Variants in TEAD1 observed in about 807,000 individuals in gnomAD.
TEAD1 encodes the protein transcriptional enhancer factor TEF-1.
A neutral mutation model predicts 54.9 loss-of-function variants in TEAD1; 9 were observed. The ratio of observed to expected loss-of-function variants is 0.16; its 90% confidence interval spans 0.10 to 0.29. The LOEUF (loss-of-function observed/expected upper bound fraction) is 0.29, where lower values mean the gene tolerates loss of function less well. TEAD1 is among the 10% of genes least tolerant of loss of function. The probability of loss-of-function intolerance (pLI) is 1.00; values close to 1 mark genes in which losing one functional copy is unlikely to be tolerated. For missense variants in TEAD1, 387 were observed against 535.9 expected (o/e 0.72, Z 2.74); for synonymous variants, 200 against 187.8 (o/e 1.07, Z -0.53).
chr11:12,791,691 A>G (rs1469572671), intron 3 of TEAD1, among the ~76,000 whole-genome samples: 1 of 152,122 alleles, frequency 6.6e-6, no homozygotes, highest in African/African-American at 2.4e-5. Flanking sequence ...TTTGGGGCCA[A>G]TTTAAGTCAG....
rs1396872359 is a variant in TEAD1 at position 12,721,242 on chromosome 11, C to T, written c.-54-42937C>T. ...CAGTGCAGGTGCAGGAAGAAAGCTT[C>T]CCTTCTTGCGTTCTTGTTCCCTCCC... On this transcript the variant is annotated intron_variant, in intron 2 of 12. Coordinates refer to ENST00000527636, the MANE Select transcript of TEAD1 (RefSeq NM_021961.6). Among the ~76,000 whole-genome samples, 9 of 152,306 alleles carry T rather than the reference C, an allele frequency of 5.9e-5. No individual in the cohort carries two copies. In the South Asian group the frequency reaches 1.7e-3, roughly 28 times the overall value.
intron 3 of TEAD1, among the ~76,000 whole-genome samples, chr11:12,845,557 G>T (rs573283296): frequency 2.0e-5 from 3 of 152,314 alleles, no homozygotes; most frequent in African/African-American, 7.2e-5. Context: ...TTGTGTCTCA[G>T]TCTGTGTACA....
chr11:12,786,262 A>G (rs1036743087), intron 3 of TEAD1, among the ~76,000 whole-genome samples: 1 of 152,202 alleles, frequency 6.6e-6, no homozygotes, highest in Non-Finnish European at 1.5e-5. Flanking sequence ...GCTTTCTCGG[A>G]CTGCACTGGC....
intron 10 of TEAD1, chr11:12,923,052 G>A (rs1948840410): frequency 6.6e-6 from 1 of 151,506 alleles, no homozygotes; most frequent in Non-Finnish European, 1.5e-5. Context: ...CTCTCGCTTG[G>A]ACTGCTATAA....
At chr11:12,881,100 C>G in intron 7 of TEAD1, 49 bp downstream of exon 7, 1 of 1,600,340 alleles carries the variant, frequency 6.2e-7, no homozygotes, top group Non-Finnish European at 8.6e-7. Flanking sequence ...TGGTCCCAGC[C>G]CACGTGGGGA....
At chr11:12,899,908 C>A (rs1345228581) in intron 9 of TEAD1, among the ~76,000 whole-genome samples, 1 of 152,222 alleles carries the variant, frequency 6.6e-6, no homozygotes, top group Non-Finnish European at 1.5e-5. Context: ...ATGGAGTGTC[C>A]AGCCTCCTGT....
intron 10 of TEAD1, among the ~76,000 whole-genome samples, chr11:12,924,169 C>G (rs1293354127): frequency 6.6e-6 from 1 of 152,172 alleles, no homozygotes; most frequent in Admixed American, 6.5e-5. Context: ...CAGGCCTTGG[C>G]CTGCACTGTA....
intron 11 of TEAD1, among the ~76,000 whole-genome samples, chr11:12,925,976 T>C (rs1948897426): frequency 6.6e-6 from 1 of 152,212 alleles, no homozygotes; most frequent in Non-Finnish European, 1.5e-5. Flanking sequence ...CATACCTTCC[T>C]CCCTTTAAAA....
At chr11:12,858,069 C>T (rs1411374549) in intron 3 of TEAD1, among the ~76,000 whole-genome samples, 1 of 152,136 alleles carries the variant, frequency 6.6e-6, no homozygotes, top group Non-Finnish European at 1.5e-5. Context: ...CGTGCCACTG[C>T]ACTCCAGCCA....
intron 2 of TEAD1, among the ~76,000 whole-genome samples, chr11:12,729,515 T>C (rs1590091477): frequency 6.6e-6 from 1 of 152,162 alleles, no homozygotes; most frequent in East Asian, 1.9e-4. Context: ...CACTAGGGAT[T>C]GTGGAGAAAG....
intron 2 of TEAD1, among the ~76,000 whole-genome samples, chr11:12,748,451 G>A (rs984490921): frequency 6.6e-6 from 1 of 152,174 alleles, no homozygotes; most frequent in East Asian, 1.9e-4. Context: ...GTGGCTGGAG[G>A]AGCAGGCTGA....
chr11:12,883,824 C>T (rs554928500), intron 9 of TEAD1, among the ~76,000 whole-genome samples: 105 of 152,086 alleles, frequency 6.9e-4, no homozygotes, highest in African/African-American at 2.1e-3. Flanking sequence ...CCATCTTGGC[C>T]AACATGGTGA....
At chr11:12,831,309 G>A (rs945812374) in intron 3 of TEAD1, among the ~76,000 whole-genome samples, 1 of 151,968 alleles carries the variant, frequency 6.6e-6, no homozygotes, top group Admixed American at 6.6e-5. Flanking sequence ...TGCCCCCTCT[G>A]CCAGCTGAGG....
intron 9 of TEAD1, among the ~76,000 whole-genome samples, chr11:12,892,599 G>A (rs933218077): frequency 3.7e-4 from 56 of 152,252 alleles, no homozygotes; most frequent in African/African-American, 1.2e-3. Context: ...AGCTGAGATC[G>A]CGCCATTGCT....
chr11:12,747,338 T>A (rs577798761), intron 2 of TEAD1, among the ~76,000 whole-genome samples: 1 of 152,150 alleles, frequency 6.6e-6, no homozygotes, highest in South Asian at 2.1e-4. Flanking sequence ...AAATTTTTGT[T>A]TTTTATTTAT....
At chr11:12,906,957 C>T (rs751740268) in intron 10 of TEAD1, among the ~76,000 whole-genome samples, 2 of 152,152 alleles carry the variant, frequency 1.3e-5, no homozygotes, top group East Asian at 1.9e-4. Context: ...ATGGTGCTAT[C>T]GAGTCTTTGT....
intron 3 of TEAD1, among the ~76,000 whole-genome samples, chr11:12,808,234 G>T (rs1021496668): frequency 9.2e-6 from 1 of 109,260 alleles, no homozygotes; most frequent in Non-Finnish European, 2.2e-5. Flanking sequence ...AATATAGACA[G>T]GGAAATTATA....
chr11:12,733,605 C>T (rs899179845), intron 2 of TEAD1, among the ~76,000 whole-genome samples: 1 of 152,180 alleles, frequency 6.6e-6, no homozygotes, highest in African/African-American at 2.4e-5. Flanking sequence ...TAATTGATGT[C>T]TCCTGCCTCC....
intron 3 of TEAD1, among the ~76,000 whole-genome samples, chr11:12,769,045 A>G (rs539080709): frequency 1.3e-5 from 2 of 152,182 alleles, no homozygotes; most frequent in Non-Finnish European, 2.9e-5. Flanking sequence ...CTAGGATCCT[A>G]TAAGCAGTCT....
Sources: gnomAD v4.1 joint callset for allele counts (sites outside exome capture counted in the v4.1 genomes callset) on GRCh38, gnomAD v4.1.1 for gene constraint, MANE v1.5 for transcripts, NCBI Gene and HGNC (gene_info 2026-07-23, HGNC 2026-07-21) for gene names.